Variants in MED13 observed in about 807,000 individuals in gnomAD.
MED13 encodes mediator of RNA polymerase II transcription subunit 13.
In MED13, 23 loss-of-function variants were observed where a neutral mutation model predicts 225.2. That is an observed-to-expected ratio of 0.10 (90% CI 0.07 to 0.14). The LOEUF (loss-of-function observed/expected upper bound fraction) is 0.14. Ranked by LOEUF, MED13 falls within the 10% of genes least tolerant of loss-of-function variation. MED13 has a pLI of 1.00. For synonymous variants in MED13, 942 were observed against 889.2 expected (o/e 1.06, Z -1.06); for missense variants, 2,197 against 2,594.5 (o/e 0.85, Z 3.33).
rs767294122 is a variant in MED13, at chr17:61,965,140, T to C, written c.4710A>G (p.Gly1570=). 1 of 1,614,198 alleles carries C rather than the reference T, an allele frequency of 6.2e-7. No individual in the cohort carries two copies. The highest frequency in any genetic ancestry group is 1.1e-5 in the South Asian group (1 of 91,084). ...CTGTATTTGCTTGTGTAGACATGGATCCTGCAGCATTACTGTTCATACTGC... is the reference window on the plus strand; with the variant it reads ...CTGTATTTGCTTGTGTAGACATGGACCCTGCAGCATTACTGTTCATACTGC... The part of the protein sequence containing the change: ...PFGSMNSNAA[G]SMSTQANTVQ... The change falls in exon 20 of 30, where the codon GGA becomes GGG. Residue 1570 remains glycine, a synonymous_variant. Transcript: ENST00000397786.
intron 9 of MED13, chr17:62,006,759 T>A: frequency 6.6e-6 from 1 of 152,136 alleles, no homozygotes; most frequent in East Asian, 1.9e-4. Flanking sequence ...AAACCCCGTC[T>A]CTATTAAAAA....
chr17:61,947,404 C>T (rs1207120473), intron 28 of MED13, among the ~76,000 whole-genome samples: 1 of 151,938 alleles, frequency 6.6e-6, no homozygotes, highest in Non-Finnish European at 1.5e-5. Context: ...TTTTTGAGAC[C>T]ATACAATAAT....
At chr17:61,952,921 C>A (rs778813283) in intron 27 of MED13, 44 bp downstream of exon 27, 32 of 1,589,890 alleles carry the variant, frequency 2.0e-5, no homozygotes, top group Admixed American at 3.6e-5. Context: ...AGGCGTAAGC[C>A]ACTGCGCCCG....
intron 23 of MED13, 126 bp downstream of exon 23, chr17:61,960,741 C>A: frequency 3.5e-6 from 2 of 579,312 alleles, no homozygotes; most frequent in Admixed American, 3.6e-5. Context: ...AAGTAAAAAG[C>A]ACCCACAACC....
intron 24 of MED13, 144 bp from the exon 25 acceptor site, chr17:61,955,982 C>T: frequency 7.9e-7 from 1 of 1,270,384 alleles, no homozygotes; most frequent in African/African-American, 1.5e-5. Context: ...CAACACGAGT[C>T]ATCATCAAGC....
At chr17:62,045,001 T>C (rs2080886725) in intron 3 of MED13, among the ~76,000 whole-genome samples, 1 of 152,038 alleles carries the variant, frequency 6.6e-6, no homozygotes, top group Admixed American at 6.6e-5. Flanking sequence ...ATAACTATTT[T>C]ACATACAGTA....
intron 17 of MED13, among the ~76,000 whole-genome samples, chr17:61,971,152 A>C (rs374991379): frequency 6.6e-6 from 1 of 152,262 alleles, no homozygotes; most frequent in East Asian, 1.9e-4. Flanking sequence ...CTGGTAAAAT[A>C]TATTATCATA....
chr17:61,994,677 A>G (rs1399472068), intron 10 of MED13, among the ~76,000 whole-genome samples: 5 of 152,168 alleles, frequency 3.3e-5, no homozygotes, highest in African/African-American at 4.8e-5. Flanking sequence ...AATTGGTACC[A>G]TGTGCTTGAT....
chr17:62,061,804 A>G (rs914405472), intron 2 of MED13, among the ~76,000 whole-genome samples: 2 of 152,224 alleles, frequency 1.3e-5, no homozygotes, highest in Non-Finnish European at 2.9e-5. Flanking sequence ...CACTTTACAC[A>G]TTTAGAACTA....
intron 2 of MED13, among the ~76,000 whole-genome samples, chr17:62,054,539 T>C (rs940549427): frequency 7.9e-5 from 12 of 152,114 alleles, no homozygotes; most frequent in Admixed American, 2.0e-4. Context: ...GCTAGGAGAA[T>C]AGAGAAGCAG....
intron 2 of MED13, among the ~76,000 whole-genome samples, chr17:62,055,829 AAAG>A (rs1032037175): frequency 3.3e-5 from 5 of 152,154 alleles, no homozygotes; most frequent in Non-Finnish European, 5.9e-5. Flanking sequence ...TCAAAAAAAA[AAAG>A]AATATTGAAT....
At chr17:61,958,470 C>T (rs2079968881) in intron 23 of MED13, among the ~76,000 whole-genome samples, 1 of 152,064 alleles carries the variant, frequency 6.6e-6, no homozygotes, top group Non-Finnish European at 1.5e-5. Flanking sequence ...TCCCAAGTAG[C>T]TGGGACTACA....
intron 3 of MED13, among the ~76,000 whole-genome samples, chr17:62,044,372 C>A (rs769790324): frequency 6.6e-6 from 1 of 152,134 alleles, no homozygotes; most frequent in Non-Finnish European, 1.5e-5. Context: ...ATCTACACTG[C>A]CCAATACAAT....
chr17:61,947,041 T>A (rs2079856563), intron 28 of MED13, 24 bp from the exon 29 acceptor site: 1 of 1,525,892 alleles, frequency 6.6e-7, no homozygotes, highest in African/African-American at 1.4e-5. Flanking sequence ...AGGTAATCAA[T>A]CAGTCAGCCA....
At chr17:61,956,297 C>G in intron 24 of MED13, 42 bp downstream of exon 24, 1 of 1,573,016 alleles carries the variant, frequency 6.4e-7, no homozygotes, top group Non-Finnish European at 8.6e-7. Context: ...TGTGAATTTA[C>G]ATAAAACGGA....
chr17:61,952,377 C>T (rs2143293976), intron 27 of MED13, among the ~76,000 whole-genome samples: 1 of 152,166 alleles, frequency 6.6e-6, no homozygotes, highest in East Asian at 1.9e-4. Flanking sequence ...TGTCACAGCC[C>T]TGATATGAAT....
At chr17:62,004,146 A>G (rs1306491509) in intron 9 of MED13, 1 of 152,232 alleles carries the variant, frequency 6.6e-6, no homozygotes, top group Non-Finnish European at 1.5e-5. Flanking sequence ...AAGTTTTAAA[A>G]TAGTATTTTA....
intron 3 of MED13, among the ~76,000 whole-genome samples, chr17:62,038,078 TGTTTC>T (rs373438896): frequency 6.6e-5 from 10 of 151,492 alleles, no homozygotes; most frequent in African/African-American, 2.4e-4. Context: ...AGTTTTCAAC[TGTTTC>T]ATTTCATACA....
chr17:62,043,938 G>A (rs1380377532), intron 3 of MED13, among the ~76,000 whole-genome samples: 1 of 151,604 alleles, frequency 6.6e-6, no homozygotes, highest in Non-Finnish European at 1.5e-5. Flanking sequence ...TACTTCTACT[G>A]GACAGTACAT....
Sources: gnomAD v4.1 joint callset for allele counts (sites outside exome capture counted in the v4.1 genomes callset) on GRCh38, gnomAD v4.1.1 for gene constraint, MANE v1.5 for transcripts, NCBI Gene and HGNC (gene_info 2026-07-23, HGNC 2026-07-21) for gene names.